The following CACNA2D3 variants were observed in gnomAD, a reference collection of about 807,000 sequenced individuals.
CACNA2D3 encodes the protein voltage-dependent calcium channel subunit alpha-2/delta-3.
In CACNA2D3, 60 loss-of-function variants were observed where a neutral mutation model predicts 160.6. That is an observed-to-expected ratio of 0.37 (90% CI 0.30 to 0.46). The LOEUF (loss-of-function observed/expected upper bound fraction) is 0.46, where lower values mean the gene tolerates loss of function less well. Among genes scored for constraint, CACNA2D3 ranks in the 20% least tolerant of loss-of-function variants. The pLI is 1.00. For missense variants in CACNA2D3, 1,205 were observed against 1,365.0 expected (o/e 0.88, Z 1.85); for synonymous variants, 558 against 492.9 (o/e 1.13, Z -1.75).
At chr3:54,821,408 A>C (rs140357835) in intron 14 of CACNA2D3, among the ~76,000 whole-genome samples, 2 of 152,142 alleles carry the variant, frequency 1.3e-5, no homozygotes, top group Admixed American at 6.5e-5. Context: ...CTGTTGTTCT[A>C]TGCCTGCTGT....
At chr3:54,461,923 A>C (rs1700512897) in intron 4 of CACNA2D3, among the ~76,000 whole-genome samples, 1 of 152,144 alleles carries the variant, frequency 6.6e-6, no homozygotes, top group Non-Finnish European at 1.5e-5. Flanking sequence ...TAGTGCTATA[A>C]ATTTCCCTCT....
At chr3:54,430,555 T>C (rs888021629) in intron 4 of CACNA2D3, among the ~76,000 whole-genome samples, 1 of 152,244 alleles carries the variant, frequency 6.6e-6, no homozygotes, top group Non-Finnish European at 1.5e-5. Flanking sequence ...ATGCAGAAAT[T>C]GGCTTAATCC....
intron 4 of CACNA2D3, among the ~76,000 whole-genome samples, chr3:54,420,672 T>G (rs1699823747): frequency 6.6e-6 from 1 of 152,150 alleles, no homozygotes; most frequent in Non-Finnish European, 1.5e-5. Flanking sequence ...CTCAGACCAA[T>G]CTCAGGGGAG....
rs1042360168 is a variant in CACNA2D3 at position 54,918,340 on chromosome 3, T to C, written c.2449+18472T>C. The C allele has an allele frequency of 8.7e-4, 308 of 353,760 alleles. 1 individual carries two copies. Among genetic ancestry groups the C allele is most frequent in the East Asian group, 7.3e-3 (117 of 15,924 alleles). 21.9% of individuals were successfully genotyped at this position (353,760 alleles called of 1,614,324 possible). A position where few individuals can be genotyped will look rare whatever the true frequency, so the allele number is the denominator to read the frequency against. The stretch of plus-strand genomic sequence containing the variant: ...ACACATCTTTTTTTTTTCTTTTTTT[T>C]TTTTTTTTTTTTTTTGTCTTTTGGC... On this transcript the variant is annotated intron_variant, in intron 27 of 37. Coordinates refer to ENST00000474759, the MANE Select transcript of CACNA2D3 (RefSeq NM_018398.3).
chr3:54,752,483 G>A, intron 11 of CACNA2D3, 116 bp from the exon 12 acceptor site: 1 of 689,326 alleles, frequency 1.5e-6, no homozygotes, highest in Admixed American at 2.2e-5. Flanking sequence ...TGTTCCTGCA[G>A]ATGGGAAGCA....
At chr3:54,899,706 A>T in intron 26 of CACNA2D3, 82 bp from the exon 27 acceptor site, 2 of 1,032,440 alleles carry the variant, frequency 1.9e-6, no homozygotes, top group Non-Finnish European at 2.9e-6. Flanking sequence ...AGAATTGGTG[A>T]CTGTAGACCG....
intron 2 of CACNA2D3, among the ~76,000 whole-genome samples, chr3:54,194,455 T>G (rs1461691327): frequency 6.6e-6 from 1 of 152,112 alleles, no homozygotes; most frequent in Non-Finnish European, 1.5e-5. Flanking sequence ...CAGCCCCAGT[T>G]CTCCCTCTTT....
intron 12 of CACNA2D3, among the ~76,000 whole-genome samples, chr3:54,762,949 G>A (rs1436931023): frequency 6.6e-6 from 1 of 152,074 alleles, no homozygotes; most frequent in Non-Finnish European, 1.5e-5. Flanking sequence ...ACAGCCGGGC[G>A]TGGTGGCGGG....
intron 27 of CACNA2D3, among the ~76,000 whole-genome samples, chr3:54,922,805 C>G (rs1218224714): frequency 6.6e-6 from 1 of 152,166 alleles, no homozygotes; most frequent in Non-Finnish European, 1.5e-5. Flanking sequence ...ACCACCTCCC[C>G]AACACACTCA....
At chr3:54,269,309 T>C (rs753969094) in intron 2 of CACNA2D3, among the ~76,000 whole-genome samples, 7 of 152,054 alleles carry the variant, frequency 4.6e-5, no homozygotes, top group Non-Finnish European at 1.0e-4. Flanking sequence ...GCCCCTCTTT[T>C]ATGATTTAGC....
At chr3:54,160,508 TA>T (rs1559867132) in intron 2 of CACNA2D3, among the ~76,000 whole-genome samples, 2 of 151,762 alleles carry the variant, frequency 1.3e-5, no homozygotes, top group African/African-American at 4.8e-5. Flanking sequence ...TCAAAAAAAA[TA>T]AAATAAAATA....
intron 27 of CACNA2D3, among the ~76,000 whole-genome samples, chr3:54,900,503 A>G (rs1197756793): frequency 1.3e-5 from 2 of 152,158 alleles, no homozygotes; most frequent in African/African-American, 4.8e-5. Flanking sequence ...ATTTGGCCTA[A>G]AGGGCTGGCA....
intron 4 of CACNA2D3, among the ~76,000 whole-genome samples, chr3:54,393,908 G>A (rs777112603): frequency 6.6e-6 from 1 of 152,180 alleles, no homozygotes; most frequent in Admixed American, 6.5e-5. Flanking sequence ...GGTCATCACT[G>A]TGCTGTTCCC....
intron 35 of CACNA2D3, among the ~76,000 whole-genome samples, chr3:55,070,780 G>A (rs1704786848): frequency 1.3e-5 from 2 of 152,186 alleles, no homozygotes; most frequent in African/African-American, 4.8e-5. Flanking sequence ...AAATCTCAAG[G>A]ATTGATGAAA....
At chr3:54,861,360 G>C (rs1010445728) in intron 17 of CACNA2D3, among the ~76,000 whole-genome samples, 1 of 152,128 alleles carries the variant, frequency 6.6e-6, no homozygotes, top group East Asian at 1.9e-4. Flanking sequence ...AGGCAAGAAC[G>C]ATGATGACAT....
intron 2 of CACNA2D3, among the ~76,000 whole-genome samples, chr3:54,217,232 A>G (rs1404011803): frequency 6.6e-6 from 1 of 152,066 alleles, no homozygotes; most frequent in Non-Finnish European, 1.5e-5. Context: ...CCTTATGGGG[A>G]CAGGCATGGT....
chr3:54,898,327 A>G (rs984726893), intron 26 of CACNA2D3, among the ~76,000 whole-genome samples: 19 of 149,162 alleles, frequency 1.3e-4, no homozygotes, highest in Non-Finnish European at 2.7e-4. Flanking sequence ...GGTTCAAGCG[A>G]TTCTCCTGCC....
At chr3:54,569,754 T>C in intron 6 of CACNA2D3, 41 bp from the exon 7 acceptor site, 1 of 1,443,848 alleles carries the variant, frequency 6.9e-7, no homozygotes, top group Non-Finnish European at 9.6e-7. Flanking sequence ...GAATAAATAT[T>C]TGAAGTTTCT....
At chr3:54,534,960 C>T (rs558050361) in intron 5 of CACNA2D3, among the ~76,000 whole-genome samples, 1 of 152,070 alleles carries the variant, frequency 6.6e-6, no homozygotes, top group Non-Finnish European at 1.5e-5. Context: ...ATAAATGATT[C>T]CTATCTTCTC....
Sources: allele counts gnomAD v4.1 joint callset (sites outside exome capture counted in the v4.1 genomes callset), GRCh38; gene constraint gnomAD v4.1.1; transcripts MANE v1.5; gene names NCBI Gene and HGNC (gene_info 2026-07-23, HGNC 2026-07-21).